IGSF5: variants seen among roughly 807,000 people sequenced by gnomAD.
IGSF5 encodes immunoglobulin superfamily member 5.
In IGSF5, 41 loss-of-function variants were observed where a neutral mutation model predicts 39.4. That is an observed-to-expected ratio of 1.04 (90% CI 0.81 to 1.35). The LOEUF is 1.35. Ranked by LOEUF, IGSF5 falls within the 40% of genes most tolerant of loss-of-function variation. The pLI is 0.00. For missense variants in IGSF5, 487 were observed against 494.6 expected, an observed-to-expected ratio of 0.98 and a Z score of 0.15; for synonymous variants, 183 against 175.3, an observed-to-expected ratio of 1.04 and a Z score of -0.34.
Position 39,758,004 on chromosome 21 carries a change from C to T in IGSF5, c.101-7531C>T, listed in dbSNP as rs140854306. Among the ~76,000 whole-genome samples, 154 of 152,254 alleles carry T rather than the reference C, an allele frequency of 1.0e-3. 3 individuals carry two copies. Among genetic ancestry groups the T allele is most frequent in the Middle Eastern group, 6.8e-3 (2 of 294 alleles). ...GCGGTGGGCACAGAAGACTTCTGAA[C>T]GGTAGATGCTTGTCAGTGATGGGTT... On this transcript the variant is annotated intron_variant, in intron 2 of 8. Coordinates refer to ENST00000380588, the MANE Select transcript of IGSF5 (RefSeq NM_001080444.2).
chr21:39,745,724 G>C (rs2079970722), intron 1 of IGSF5, among the ~76,000 whole-genome samples, 198 bp downstream of exon 1: 1 of 152,182 alleles, frequency 6.6e-6, no homozygotes, highest in Non-Finnish European at 1.5e-5. Flanking sequence ...GGGGTTGTTA[G>C]AAAGCCCTTC....
Position 39,801,269 on chromosome 21 carries a change from A to G in IGSF5, c.1136A>G (p.Asp379Gly). Residue 379 changes from aspartate (D) to glycine (G), a missense_variant, in exon 9 of 9, where the codon GAT becomes GGT. Coordinates refer to ENST00000380588, the MANE Select transcript of IGSF5 (RefSeq NM_001080444.2). ...SSCGPPHQRA[D>G]QRPPRPASHP... is the part of the protein sequence containing the mutation. Reference sequence around the variant, plus strand: ...TTCCTCCTCTGTTGCCAGCGGGCTGATCAACGTCCACCCAGGCCAGCAAGT... The same window carrying G: ...TTCCTCCTCTGTTGCCAGCGGGCTGGTCAACGTCCACCCAGGCCAGCAAGT... 1 of 1,613,934 alleles carries G rather than the reference A, an allele frequency of 6.2e-7. No homozygotes were observed. Among genetic ancestry groups the G allele is most frequent in the Non-Finnish European group, 8.5e-7 (1 of 1,179,858 alleles).
intron 4 of IGSF5, among the ~76,000 whole-genome samples, chr21:39,776,012 G>C (rs2080138217): frequency 6.6e-6 from 1 of 152,124 alleles, no homozygotes; most frequent in African/African-American, 2.4e-5. Context: ...CGTCTTGTCT[G>C]CATGATGAAA....
chr21:39,768,070 T>C (rs1001801538), intron 3 of IGSF5, among the ~76,000 whole-genome samples: 1 of 152,212 alleles, frequency 6.6e-6, no homozygotes, highest in African/African-American at 2.4e-5. Flanking sequence ...CGCTGACTTT[T>C]TATATATTGG....
At chr21:39,800,479 A>C (rs1264478334) in intron 8 of IGSF5, among the ~76,000 whole-genome samples, 1 of 152,260 alleles carries the variant, frequency 6.6e-6, no homozygotes, top group Non-Finnish European at 1.5e-5. Context: ...CAGAAGGCAC[A>C]TGTCTTAAAG....
chr21:39,745,253 G>A lies in IGSF5; in HGVS notation c.-257G>A, dbSNP rs1408534721. Among the ~76,000 whole-genome samples the A allele has an allele frequency of 1.3e-5, 2 of 151,850 alleles. No homozygotes were observed. The highest frequency in any genetic ancestry group is 4.8e-5 in the African/African-American group (2 of 41,294). On this transcript the variant is annotated 5_prime_UTR_variant, in exon 1 of 9. Coordinates refer to ENST00000380588, the MANE Select transcript of IGSF5 (RefSeq NM_001080444.2). ...GCAAGGGTGGTGGGGAATGGGTCCT[G>A]CATAACTGCTCATGTCAAGAGCTGT... is the stretch of plus-strand genomic sequence containing the variant.
intron 2 of IGSF5, among the ~76,000 whole-genome samples, chr21:39,750,203 G>A (rs2079998082): frequency 6.6e-6 from 1 of 152,178 alleles, no homozygotes; most frequent in Non-Finnish European, 1.5e-5. Flanking sequence ...CAACTGGAAG[G>A]AAGAGCATTC....
At chr21:39,746,584 T>C (rs1426583787) in intron 2 of IGSF5, among the ~76,000 whole-genome samples, 1 of 152,222 alleles carries the variant, frequency 6.6e-6, no homozygotes, top group Non-Finnish European at 1.5e-5. Flanking sequence ...TTATTCTTAC[T>C]AAAACCCAAT....
At chr21:39,744,374 C>T (rs1473355567), upstream of IGSF5, among the ~76,000 whole-genome samples, 1 of 152,218 alleles carries the variant, frequency 6.6e-6, no homozygotes, top group African/African-American at 2.4e-5. Flanking sequence ...CCTTTTGAGT[C>T]AGGATTGAGA....
chr21:39,765,528 C>T lies in IGSF5; in HGVS notation c.101-7C>T. ...TTTAACAACTTGAAAAATTGGCTAC[C>T]TTCCAGGTTCTGGGTCTGGTAATGA... On this transcript the variant is annotated splice_region_variant and splice_polypyrimidine_tract_variant and intron_variant, in intron 2 of 8. Coordinates refer to ENST00000380588, the MANE Select transcript of IGSF5 (RefSeq NM_001080444.2). The T allele has an allele frequency of 6.2e-7, 1 of 1,605,500 alleles. No individual in the cohort carries two copies. Among genetic ancestry groups the T allele is most frequent in the Non-Finnish European group, 8.5e-7 (1 of 1,174,568 alleles).
rs761833696 is a variant in IGSF5 at position 39,801,357 on chromosome 21, G to A, written c.1224G>A (p.Ter408=). ...AGGTCAGTAATACAACTGTAGTATA[G>A]CAAAGCCTTCCCCAAGCTCCACTGA... ...PEKVSNTTVV[*] is the part of the protein sequence containing the mutation. Residue 408 remains the stop codon, a stop_retained_variant, in exon 9 of 9, where the codon TAG becomes TAA. Transcript: ENST00000380588. The A allele has an allele frequency of 1.2e-6, 2 of 1,608,584 alleles. No individual in the cohort carries two copies. The highest frequency in any genetic ancestry group is 1.1e-5 in the South Asian group (1 of 90,884).
In IGSF5 at chr21:39,798,501, C is replaced by T. The variant is rs1031878812; in HGVS notation, c.1129-2761C>T. Among the ~76,000 whole-genome samples, 15 of 152,078 alleles carry T rather than the reference C, an allele frequency of 9.9e-5. 1 individual carries two copies. Among genetic ancestry groups the T allele is most frequent in the Non-Finnish European group, 5.9e-5 (4 of 68,026 alleles). The stretch of plus-strand genomic sequence containing the variant: ...GCACCCAGCTCAGGGCGGTGTATGG[C>T]GTTAGGAGGAGCAGCAGGTTTCCAG... On this transcript the variant is annotated intron_variant, in intron 8 of 8. Coordinates refer to ENST00000380588, the MANE Select transcript of IGSF5 (RefSeq NM_001080444.2).
At chr21:39,750,561 G>C (rs1252989122) in intron 2 of IGSF5, among the ~76,000 whole-genome samples, 1 of 150,742 alleles carries the variant, frequency 6.6e-6, no homozygotes, top group African/African-American at 2.4e-5. Context: ...CAGGTTCTTG[G>C]GACACAGTCT....
the IGSF5 span, among the ~76,000 whole-genome samples, chr21:39,736,669 G>C: frequency 6.6e-6 from 1 of 152,228 alleles, no homozygotes; most frequent in African/African-American, 2.4e-5. Context: ...CGGGGTCACC[G>C]GGTTGGGGAC....
the IGSF5 span, among the ~76,000 whole-genome samples, chr21:39,718,608 A>G: frequency 2.0e-5 from 3 of 152,210 alleles, no homozygotes; most frequent in Non-Finnish European, 2.9e-5. Flanking sequence ...TGAGATAATC[A>G]TATGGTTTTT....
At chr21:39,778,020 A>G (rs1473066225) in intron 4 of IGSF5, among the ~76,000 whole-genome samples, 1 of 152,184 alleles carries the variant, frequency 6.6e-6, no homozygotes, top group African/African-American at 2.4e-5. Flanking sequence ...ATTTACATTA[A>G]GATACCACCC....
upstream of IGSF5, among the ~76,000 whole-genome samples, chr21:39,741,393 C>T (rs539804999): frequency 2.7e-4 from 41 of 152,324 alleles, 3 homozygotes; most frequent in African/African-American, 7.2e-4. Flanking sequence ...AGGCTGGATA[C>T]GTTCCTCACT....
At chr21:39,773,167 C>G (rs759991161) in intron 4 of IGSF5, among the ~76,000 whole-genome samples, 1 of 152,094 alleles carries the variant, frequency 6.6e-6, no homozygotes, top group Non-Finnish European at 1.5e-5. Context: ...TGTGTTGTTC[C>G]CCTCTATGTA....
the IGSF5 span, chr21:39,722,619 T>C: frequency 6.6e-6 from 1 of 152,216 alleles, no homozygotes; most frequent in Non-Finnish European, 1.5e-5. Context: ...AAACAGAAGC[T>C]GGCCTATCCT....
Sources: gnomAD v4.1 joint callset for allele counts (sites outside exome capture counted in the v4.1 genomes callset) on GRCh38, gnomAD v4.1.1 for gene constraint, MANE v1.5 for transcripts, NCBI Gene and HGNC (gene_info 2026-07-23, HGNC 2026-07-21) for gene names.